Variants in PRKAA2 observed in about 807,000 individuals in gnomAD.
The protein encoded by PRKAA2 is 5'-AMP-activated protein kinase catalytic subunit alpha-2.
Under a neutral mutation model 56.3 loss-of-function variants are expected in PRKAA2, and 40 were observed. The observed-to-expected ratio is 0.71, with a 90% confidence interval of 0.55 to 0.92. PRKAA2 has a LOEUF of 0.92. Among genes scored for constraint, PRKAA2 ranks in the 40% least tolerant of loss-of-function variants. PRKAA2 has a pLI of 0.00. For missense variants in PRKAA2, 542 were observed against 686.9 expected (o/e 0.79, Z 2.36); for synonymous variants, 214 against 234.2 (o/e 0.91, Z 0.79).
chr1:56,704,745 A>T (rs1442403334), intron 7 of PRKAA2, among the ~76,000 whole-genome samples: 1 of 152,170 alleles, frequency 6.6e-6, no homozygotes, highest in Non-Finnish European at 1.5e-5. Flanking sequence ...AGCATGCATC[A>T]TAGCAATGAA....
chr1:56,671,679 T>C (rs1644077945), intron 1 of PRKAA2, among the ~76,000 whole-genome samples: 1 of 152,206 alleles, frequency 6.6e-6, no homozygotes, highest in African/African-American at 2.4e-5. Context: ...GTCATCGCAT[T>C]ACATGTTTGG....
intron 7 of PRKAA2, among the ~76,000 whole-genome samples, chr1:56,705,591 G>A (rs983684753): frequency 2.6e-5 from 4 of 152,034 alleles, no homozygotes; most frequent in Non-Finnish European, 5.9e-5. Context: ...GTAGAGATGG[G>A]GTTTCACCAT....
chr1:56,667,090 T>G (rs540256414), intron 1 of PRKAA2, among the ~76,000 whole-genome samples: 1 of 152,214 alleles, frequency 6.6e-6, no homozygotes, highest in Admixed American at 6.5e-5. Flanking sequence ...TCATAACATA[T>G]GGACACTTTG....
Position 56,707,788 on chromosome 1 carries a change from A to G in PRKAA2, c.*75A>G. On this transcript the variant is annotated 3_prime_UTR_variant, in exon 9 of 9. Transcript: ENST00000371244. ...CTTTAAATTTTTATCTTACTTTTGG[A>G]TAATATCCACTGCAATACTAATTGA... 1.5e-6 allele frequency: 2 copies of G among 1,328,498 alleles called. No individual in the cohort carries two copies. 82.3% of individuals were successfully genotyped at this position (1,328,498 alleles called of 1,614,324 possible). A position where few individuals can be genotyped will look rare whatever the true frequency, so the allele number is the denominator to read the frequency against.
intron 1 of PRKAA2, among the ~76,000 whole-genome samples, chr1:56,653,799 C>T (rs1198464635): frequency 1.3e-5 from 2 of 152,110 alleles, no homozygotes; most frequent in African/African-American, 2.4e-5. Flanking sequence ...TGAATGTGTT[C>T]AGAAACCTGT....
chr1:56,680,243 A>G (rs149433878), intron 2 of PRKAA2, among the ~76,000 whole-genome samples: 1,903 of 152,194 alleles, frequency 0.013, 17 homozygotes, highest in South Asian at 0.029. Context: ...AAAGCACTCA[A>G]TGTTCACCTT....
chr1:56,648,790 C>T (rs10889002), intron 1 of PRKAA2, among the ~76,000 whole-genome samples: 52,255 of 151,902 alleles, frequency 0.34, 9,292 homozygotes, highest in Admixed American at 0.48. Flanking sequence ...ATTAATTTTG[C>T]GTTTCCCTAA....
intron 1 of PRKAA2, among the ~76,000 whole-genome samples, chr1:56,673,538 C>A (rs905592057): frequency 4.6e-5 from 7 of 152,110 alleles, no homozygotes; most frequent in African/African-American, 1.7e-4. Flanking sequence ...AGGTAGCTGA[C>A]AAATTTGTTC....
rs1285207979 is a variant in PRKAA2 at position 56,674,361 on chromosome 1, T to C, written c.95-20T>C. 1 of 1,522,464 alleles carries C rather than the reference T, an allele frequency of 6.6e-7. No homozygotes were observed. The highest frequency in any genetic ancestry group is 8.8e-7 in the Non-Finnish European group (1 of 1,139,688). The allele number at this position is 1,522,464 out of a possible 1,614,324, so 94.3% of individuals were successfully genotyped here. On this transcript the variant is annotated intron_variant, in intron 1 of 8. Transcript: ENST00000371244. ...ATGTTGATATGATAGCACATTTTTT[T>C]TCCTTTTTCTTTTCTTTAGTTGGAG...
chr1:56,669,628 G>T (rs2100399605), intron 1 of PRKAA2, among the ~76,000 whole-genome samples: 1 of 152,130 alleles, frequency 6.6e-6, no homozygotes, highest in East Asian at 1.9e-4. Context: ...CAGCATCTGT[G>T]TTCCTGACAA....
At chr1:56,676,421 G>A (rs1644113557) in intron 2 of PRKAA2, among the ~76,000 whole-genome samples, 1 of 152,136 alleles carries the variant, frequency 6.6e-6, no homozygotes. Context: ...TGGAGGAAAG[G>A]GAGCATGAGT....
At chr1:56,646,523 TTTC>T (rs1401472059) in intron 1 of PRKAA2, among the ~76,000 whole-genome samples, 2 of 152,228 alleles carry the variant, frequency 1.3e-5, no homozygotes, top group African/African-American at 4.8e-5. Context: ...TTTCATTTGT[TTTC>T]TTTTTTGTTA....
chr1:56,670,923 C>T (rs544218583), intron 1 of PRKAA2, among the ~76,000 whole-genome samples: 14 of 152,132 alleles, frequency 9.2e-5, no homozygotes, highest in African/African-American at 2.6e-4. Flanking sequence ...TTATTTATTG[C>T]GGTCTCCCCA....
chr1:56,694,349 A>G (rs1644245919), intron 5 of PRKAA2, among the ~76,000 whole-genome samples: 1 of 152,190 alleles, frequency 6.6e-6, no homozygotes. Flanking sequence ...AAAAATGTTT[A>G]TACAGATTGC....
chr1:56,657,957 C>T (rs1454564283), intron 1 of PRKAA2, among the ~76,000 whole-genome samples: 1 of 151,872 alleles, frequency 6.6e-6, no homozygotes, highest in Non-Finnish European at 1.5e-5. Context: ...ACTGACTATA[C>T]AAAATAATAT....
At chr1:56,696,244 C>G in intron 6 of PRKAA2, 85 bp downstream of exon 6, 1 of 1,248,876 alleles carries the variant, frequency 8.0e-7, no homozygotes, top group Non-Finnish European at 1.1e-6. Context: ...AGTCTCATTT[C>G]CTGCCCTCAC....
At chr1:56,669,384 G>T (rs529238375) in intron 1 of PRKAA2, among the ~76,000 whole-genome samples, 1 of 151,914 alleles carries the variant, frequency 6.6e-6, no homozygotes, top group Admixed American at 6.6e-5. Flanking sequence ...ACTTGAACCC[G>T]GGAGGCAGAG....
chr1:56,655,280 A>ATATATTTTTTTTTTTTTT, intron 1 of PRKAA2, among the ~76,000 whole-genome samples: 1 of 93,680 alleles, frequency 1.1e-5, no homozygotes, highest in African/African-American at 4.5e-5. Flanking sequence ...ATATATATAT[A>ATATATTTTTTTTTTTTTT]TTTTTTTTTT....
chr1:56,705,986 C>T (rs902591794), intron 7 of PRKAA2, 106 bp from the exon 8 acceptor site: 12 of 947,492 alleles, frequency 1.3e-5, no homozygotes, highest in African/African-American at 6.7e-5. Flanking sequence ...AAAAATTATT[C>T]GTATTCCTTT....
Sources: allele counts gnomAD v4.1 joint callset (sites outside exome capture counted in the v4.1 genomes callset), GRCh38; gene constraint gnomAD v4.1.1; transcripts MANE v1.5; gene names NCBI Gene and HGNC (gene_info 2026-07-23, HGNC 2026-07-21).